Variants in PDXDC1 observed in about 807,000 individuals in gnomAD.
The protein encoded by PDXDC1 is pyridoxal-dependent decarboxylase domain-containing protein 1.
PDXDC1 carries 42 observed loss-of-function variants against 100.1 expected under a neutral mutation model. The ratio of observed to expected loss-of-function variants is 0.42; its 90% CI spans 0.33 to 0.54. The LOEUF (loss-of-function observed/expected upper bound fraction) is 0.54, where lower values mean the gene tolerates loss of function less well. Ranked by LOEUF, PDXDC1 falls within the 20% of genes least tolerant of loss-of-function variation. The probability of loss-of-function intolerance (pLI) is 0.10; values close to 1 mark genes in which losing one functional copy is unlikely to be tolerated. For missense variants in PDXDC1, 636 were observed against 979.2 expected, an observed-to-expected ratio of 0.65 and a Z score of 4.68; for synonymous variants, 260 against 371.7, an observed-to-expected ratio of 0.70 and a Z score of 3.46.
At chr16:15,033,053 C>T (rs2151644185) in intron 18 of PDXDC1, 74 bp downstream of exon 18, 1 of 1,064,814 alleles carries the variant, frequency 9.4e-7, no homozygotes, top group South Asian at 1.3e-5. Flanking sequence ...GACGACGGCT[C>T]ATCCCTTAGC....
rs1197394481 is a variant in PDXDC1 at position 15,036,327 on chromosome 16, A to C, written c.*52A>C. The stretch of plus-strand genomic sequence containing the variant: ...CTGAGTATTGTTTCAGGGAAGATGA[A>C]GTTCTATTGGAAATGTGAACTGTGC... On this transcript the variant is annotated 3_prime_UTR_variant, in exon 23 of 23. Coordinates refer to ENST00000396410, the MANE Select transcript of PDXDC1 (RefSeq NM_015027.4). The C allele has an allele frequency of 6.7e-7, 1 of 1,492,722 alleles. No homozygotes were observed. The highest frequency in any genetic ancestry group is 9.2e-7 in the Non-Finnish European group (1 of 1,090,874). 92.5% of individuals were successfully genotyped at this position (1,492,722 alleles called of 1,614,324 possible). A position where few individuals can be genotyped will look rare whatever the true frequency, so the allele number is the denominator to read the frequency against.
chr16:15,048,123 AAT>A (rs1459785584), intron 16 of PDXDC1: 3 of 1,478,204 alleles, frequency 2.0e-6, no homozygotes, highest in African/African-American at 2.8e-5. Context: ...AAAAAAATAA[AAT>A]AGTGATGTAA....
chr16:15,044,499 A>G, intron 16 of PDXDC1: 1 of 842,296 alleles, frequency 1.2e-6, no homozygotes, highest in Non-Finnish European at 2.0e-6. Flanking sequence ...GTTTCCATGA[A>G]CACTTGCTCT....
intron 1 of PDXDC1, 189 bp downstream of exon 1, chr16:14,975,409 T>C (rs1409809346): frequency 9.1e-6 from 9 of 985,196 alleles, no homozygotes; most frequent in African/African-American, 1.7e-5. Context: ...CGGGTGTCTC[T>C]TGGGTCCCCG....
chr16:15,027,708 C>G (rs1194432213), intron 14 of PDXDC1, among the ~76,000 whole-genome samples: 1 of 152,290 alleles, frequency 6.6e-6, no homozygotes, highest in East Asian at 1.9e-4. Flanking sequence ...TCGGGGTGCT[C>G]TTCTGCCGGC....
chr16:15,129,707 C>T (rs948679686), intron 16 of PDXDC1, among the ~76,000 whole-genome samples: 2 of 152,086 alleles, frequency 1.3e-5, no homozygotes, highest in Non-Finnish European at 2.9e-5. Flanking sequence ...TGTCCTAGTC[C>T]TCAGGGACAG....
chr16:15,135,362 T>C, intron 16 of PDXDC1: 1 of 1,536,672 alleles, frequency 6.5e-7, no homozygotes, highest in Non-Finnish European at 8.8e-7. Context: ...CGCCAGCCGT[T>C]CCCGTGGAAT....
intron 16 of PDXDC1, among the ~76,000 whole-genome samples, chr16:15,098,032 C>T (rs1261787066): frequency 6.7e-6 from 1 of 148,700 alleles, no homozygotes; most frequent in Non-Finnish European, 1.5e-5. Context: ...CCACCTCGGC[C>T]TCCCAAAATG....
intron 16 of PDXDC1, chr16:15,061,963 AC>A: frequency 6.6e-7 from 1 of 1,504,352 alleles, no homozygotes; most frequent in Non-Finnish European, 9.2e-7. Context: ...AAAGCTTTCA[AC>A]AATTCCTTCC....
intron 3 of PDXDC1, among the ~76,000 whole-genome samples, chr16:15,000,078 T>G (rs1972819060): frequency 6.6e-6 from 1 of 152,286 alleles, no homozygotes; most frequent in African/African-American, 2.4e-5. Flanking sequence ...AAGTGCATTC[T>G]CAGCTCAGAA....
At chr16:14,983,980 C>T (rs555441282) in intron 1 of PDXDC1, among the ~76,000 whole-genome samples, 2 of 152,362 alleles carry the variant, frequency 1.3e-5, no homozygotes, top group Admixed American at 6.5e-5. Flanking sequence ...CAGGGCAACA[C>T]AGTGAGACTC....
intron 16 of PDXDC1, among the ~76,000 whole-genome samples, chr16:15,054,046 C>T (rs2044401200): frequency 6.6e-6 from 1 of 152,242 alleles, no homozygotes; most frequent in Non-Finnish European, 1.5e-5. Flanking sequence ...TGTAAGGTTA[C>T]TTTCCATGCT....
intron 16 of PDXDC1, among the ~76,000 whole-genome samples, chr16:15,055,218 C>G (rs944757305): frequency 3.3e-5 from 5 of 152,212 alleles, no homozygotes; most frequent in African/African-American, 9.7e-5. Context: ...CCCTTGCCAA[C>G]AGTCCCTGCA....
downstream of PDXDC1, chr16:15,041,702 A>G: frequency 6.4e-7 from 1 of 1,558,176 alleles, no homozygotes; most frequent in Non-Finnish European, 8.9e-7. Flanking sequence ...TAAGACCAGA[A>G]GTCAGAAAAG....
chr16:15,099,909 G>A (rs2151845208), intron 16 of PDXDC1, among the ~76,000 whole-genome samples: 1 of 152,282 alleles, frequency 6.6e-6, no homozygotes, highest in East Asian at 1.9e-4. Context: ...TAGTTCTGTT[G>A]GCCAAAGCCT....
At chr16:15,076,511 C>T (rs761071467) in intron 16 of PDXDC1, 7 of 1,270,438 alleles carry the variant, frequency 5.5e-6, no homozygotes, top group Non-Finnish European at 8.1e-6. Context: ...GCTGTTTCCA[C>T]CCTTTATGAT....
intron 16 of PDXDC1, chr16:15,135,994 C>T (rs1424913092): frequency 2.6e-6 from 4 of 1,549,624 alleles, no homozygotes; most frequent in Non-Finnish European, 3.5e-6. Context: ...GAGCCAGATG[C>T]AGTGCTCGGC....
chr16:15,086,547 G>C, intron 16 of PDXDC1: 2 of 1,547,650 alleles, frequency 1.3e-6, no homozygotes, highest in Non-Finnish European at 1.7e-6. Flanking sequence ...ATCAAGAATA[G>C]GTTGGGGGGA....
intron 4 of PDXDC1, among the ~76,000 whole-genome samples, chr16:15,003,007 C>G (rs1434621022): frequency 2.6e-5 from 4 of 152,262 alleles, no homozygotes; most frequent in Non-Finnish European, 4.4e-5. Context: ...GGTGATTTGT[C>G]TTTTTCTTAT....
Sources: gnomAD v4.1 joint callset for allele counts (sites outside exome capture counted in the v4.1 genomes callset) on GRCh38, gnomAD v4.1.1 for gene constraint, MANE v1.5 for transcripts, NCBI Gene and HGNC (gene_info 2026-07-23, HGNC 2026-07-21) for gene names.